GUCY2C: variants seen among roughly 807,000 people sequenced by gnomAD.
The protein encoded by GUCY2C is guanylate cyclase 2C.
A neutral mutation model predicts 131.1 loss-of-function variants in GUCY2C; 118 were observed. The observed-to-expected ratio is 0.90, with a 90% CI of 0.78 to 1.05. The LOEUF is 1.05. GUCY2C is among the 50% of genes least tolerant of loss of function. The pLI is 0.00. For missense variants in GUCY2C, 1,161 were observed against 1,304.4 expected (o/e 0.89, Z 1.69); for synonymous variants, 452 against 457.8 (o/e 0.99, Z 0.16).
intron 19 of GUCY2C, among the ~76,000 whole-genome samples, chr12:14,631,738 A>ATACCCAGTAATGGGTATAC (rs1177895026): frequency 4.0e-5 from 6 of 148,544 alleles, no homozygotes; most frequent in African/African-American, 1.5e-4. Flanking sequence ...TCCTTTGGGT[A>ATACCCAGTAATGGGTATAC]TATACCCAGT....
rs1248962953 is a variant in GUCY2C, at chr12:14,643,257, G to T, written c.1930+317C>A. 2.0e-5 allele frequency among the ~76,000 whole-genome samples: 3 copies of T among 152,138 alleles called. No individual in the cohort carries two copies. In the East Asian group the frequency reaches 5.8e-4, roughly 29 times the overall value. On this transcript the variant is annotated intron_variant, in intron 17 of 26. Transcript: ENST00000261170. The stretch of plus-strand genomic sequence containing the variant: ...ATAAAGGAAAAAGCTTAAATTAGAC[G>T]ATGTCTAAGGTCTCTTCCTGCTCTA...
intron 12 of GUCY2C, 90 bp downstream of exon 12, chr12:14,656,422 C>T: frequency 2.9e-6 from 2 of 692,138 alleles, no homozygotes; most frequent in African/African-American, 1.8e-5. Context: ...ACAACTATCC[C>T]TACTTGGCAC....
At position 14,645,969 on chromosome 12, in the gene GUCY2C, G is replaced by A. The variant is rs557584682; in HGVS notation, c.1711-654C>T. ...TCCTGCCTCAGCCTGCTGAGTAGCT[G>A]GGATTACAGGCGCATGCCACTATGC... On this transcript the variant is annotated intron_variant, in intron 15 of 26. Transcript: ENST00000261170. Among the ~76,000 whole-genome samples the A allele has an allele frequency of 4.6e-5, 7 of 152,130 alleles. No individual in the cohort carries two copies. In the South Asian group the frequency reaches 1.2e-3, roughly 27 times the overall value.
At chr12:14,640,358 G>A (rs1281985675) in intron 18 of GUCY2C, among the ~76,000 whole-genome samples, 1 of 151,146 alleles carries the variant, frequency 6.6e-6, no homozygotes, top group African/African-American at 2.4e-5. Flanking sequence ...TTGGAAGGCT[G>A]AGCCATGAGG....
chr12:14,656,366 G>A (rs2137046486), intron 12 of GUCY2C, 146 bp downstream of exon 12: 1 of 589,878 alleles, frequency 1.7e-6, no homozygotes, highest in Non-Finnish European at 3.1e-6. Context: ...TCAAGGGGAA[G>A]GGAGAGAGCT....
intron 10 of GUCY2C, among the ~76,000 whole-genome samples, chr12:14,664,040 A>G (rs1947920755): frequency 6.6e-6 from 1 of 152,210 alleles, no homozygotes; most frequent in African/African-American, 2.4e-5. Flanking sequence ...GCTCCTTTGT[A>G]TAAGGGCTGA....
At chr12:14,652,763 C>G (rs1423989039) in intron 13 of GUCY2C, among the ~76,000 whole-genome samples, 189 bp downstream of exon 13, 2 of 152,138 alleles carry the variant, frequency 1.3e-5, no homozygotes, top group East Asian at 1.9e-4. Flanking sequence ...TCCATTTTCC[C>G]CAGGATTGTG....
At chr12:14,649,901 T>C (rs553933490) in intron 15 of GUCY2C, among the ~76,000 whole-genome samples, 1 of 152,298 alleles carries the variant, frequency 6.6e-6, no homozygotes, top group South Asian at 2.1e-4. Flanking sequence ...CCTAATTAAA[T>C]ATTTATTTTT....
chr12:14,636,931 T>C (rs1240815495), intron 19 of GUCY2C, among the ~76,000 whole-genome samples: 1 of 150,522 alleles, frequency 6.6e-6, no homozygotes, highest in Non-Finnish European at 1.5e-5. Context: ...TCTACTAAAA[T>C]ATAAAAAAAA....
intron 21 of GUCY2C, 77 bp from the exon 22 acceptor site, chr12:14,622,274 T>A: frequency 1.1e-6 from 1 of 919,046 alleles, no homozygotes. Context: ...TTTCAGGTAG[T>A]AGTGATTGTC....
At chr12:14,639,635 G>GTGGCCA (rs1947352748) in intron 19 of GUCY2C, among the ~76,000 whole-genome samples, 1 of 152,182 alleles carries the variant, frequency 6.6e-6, no homozygotes, top group Non-Finnish European at 1.5e-5. Context: ...ATTGAATTGT[G>GTGGCCA]TGGCCATAAG....
intron 3 of GUCY2C, among the ~76,000 whole-genome samples, 167 bp downstream of exon 3, chr12:14,685,994 G>T (rs1417627526): frequency 1.3e-5 from 2 of 152,152 alleles, no homozygotes; most frequent in Non-Finnish European, 2.9e-5. Context: ...TTCACTCCAT[G>T]CTGAGCAAGG....
rs1946678095 is a variant in GUCY2C at position 14,612,923 on chromosome 12, G to T, written c.*194C>A. ...ACTGCTGGAATAAGGTTCCAGAGTG[G>T]AAGGTAGTTATTTCACTGAGAACAC... On this transcript the variant is annotated 3_prime_UTR_variant, in exon 27 of 27. Transcript: ENST00000261170. 1.9e-6 allele frequency: 1 copy of T among 519,012 alleles called. No individual in the cohort carries two copies. The highest frequency in any genetic ancestry group is 3.5e-6 in the Non-Finnish European group (1 of 289,372). 32.2% of individuals were successfully genotyped at this position (519,012 alleles called of 1,614,324 possible).
intron 6 of GUCY2C, among the ~76,000 whole-genome samples, chr12:14,677,656 C>T (rs1003624408): frequency 6.6e-6 from 1 of 152,070 alleles, no homozygotes; most frequent in East Asian, 1.9e-4. Flanking sequence ...CTGCAACCTC[C>T]GCCTCCCAGG....
At position 14,681,274 on chromosome 12, in the gene GUCY2C, G is replaced by A. The variant is rs7311859; in HGVS notation, c.733+82C>T. Reference sequence around the variant, plus strand: ...GTAAGGATGATAGCTCTGCAGTGGAGGATTTGTTGAAATGACTTATAAGGA... The same window carrying A: ...GTAAGGATGATAGCTCTGCAGTGGAAGATTTGTTGAAATGACTTATAAGGA... On this transcript the variant is annotated intron_variant, in intron 5 of 26. Transcript: ENST00000261170. The A allele has an allele frequency of 3.4e-3, 4,251 of 1,236,574 alleles. 128 individuals carry two copies. In the African/African-American group the frequency reaches 0.056, roughly 16 times the overall value. The allele number at this position is 1,236,574 out of a possible 1,614,324, so 76.6% of individuals were successfully genotyped here. A position where few individuals can be genotyped will look rare whatever the true frequency, so the allele number is the denominator to read the frequency against.
chr12:14,662,438 G>T (rs532589900), intron 10 of GUCY2C, among the ~76,000 whole-genome samples: 36 of 152,102 alleles, frequency 2.4e-4, no homozygotes, highest in African/African-American at 8.4e-4. Context: ...CACTTTGGGG[G>T]GGCTGAGGGG....
intron 6 of GUCY2C, 151 bp from the exon 7 acceptor site, chr12:14,677,122 A>C (rs1469569018): frequency 3.0e-6 from 1 of 328,670 alleles, no homozygotes; most frequent in African/African-American, 2.2e-5. Flanking sequence ...CCCAGATAGA[A>C]TTGTTTTCTT....
At chr12:14,631,053 A>G (rs1947132461) in intron 19 of GUCY2C, among the ~76,000 whole-genome samples, 1 of 152,130 alleles carries the variant, frequency 6.6e-6, no homozygotes, top group African/African-American at 2.4e-5. Flanking sequence ...ACATACTATT[A>G]CTATTGAAAA....
intron 2 of GUCY2C, 94 bp from the exon 3 acceptor site, chr12:14,686,319 A>G: frequency 2.2e-6 from 2 of 908,602 alleles, no homozygotes; most frequent in Middle Eastern, 2.2e-4. Context: ...CCAGAGGTTT[A>G]GAAAGTTGGG....
Sources: allele counts gnomAD v4.1 joint callset (sites outside exome capture counted in the v4.1 genomes callset), GRCh38; gene constraint gnomAD v4.1.1; transcripts MANE v1.5; gene names NCBI Gene and HGNC (gene_info 2026-07-23, HGNC 2026-07-21).